Variants in KCNH8 observed in about 807,000 individuals in gnomAD.
KCNH8 encodes the protein voltage-gated delayed rectifier potassium channel KCNH8.
KCNH8 carries 70 observed loss-of-function variants against 103.6 expected under a neutral mutation model. The observed-to-expected ratio is 0.68, with a 90% CI of 0.56 to 0.82. The LOEUF (loss-of-function observed/expected upper bound fraction) is 0.82, where lower values mean the gene tolerates loss of function less well. Among genes scored for constraint, KCNH8 ranks in the 40% least tolerant of loss-of-function variants. The pLI is 0.00. For missense variants in KCNH8, 1,217 were observed against 1,329.9 expected, an observed-to-expected ratio of 0.92 and a Z score of 1.32; for synonymous variants, 498 against 489.4, an observed-to-expected ratio of 1.02 and a Z score of -0.23.
intron 11 of KCNH8, among the ~76,000 whole-genome samples, chr3:19,478,309 A>T (rs1430413899): frequency 6.6e-6 from 1 of 151,978 alleles, no homozygotes; most frequent in Non-Finnish European, 1.5e-5. Context: ...CAGTAGTGGG[A>T]TTGCTGGATT....
In KCNH8 at chr3:19,468,297, A is replaced by G. The variant is rs76769662; in HGVS notation, c.2040+11315A>G. The stretch of plus-strand genomic sequence containing the variant: ...TCAATGAATGAATGAACAAATGTCA[A>G]TAAGTTTACTTTGGTGCCTGGAACT... On this transcript the variant is annotated intron_variant, in intron 11 of 15. Coordinates refer to ENST00000328405, the MANE Select transcript of KCNH8 (RefSeq NM_144633.3). Among the ~76,000 whole-genome samples the G allele has an allele frequency of 4.0e-3, 611 of 152,356 alleles. 4 individuals are homozygous for G. Among genetic ancestry groups the G allele is most frequent in the African/African-American group, 0.012 (509 of 41,574 alleles).
At chr3:19,245,443 T>C (rs1406287789) in intron 1 of KCNH8, among the ~76,000 whole-genome samples, 1 of 152,224 alleles carries the variant, frequency 6.6e-6, no homozygotes, top group Non-Finnish European at 1.5e-5. Context: ...CTATTTGAGC[T>C]ATATTTTGTT....
intron 7 of KCNH8, among the ~76,000 whole-genome samples, chr3:19,399,552 G>A (rs2066577731): frequency 6.6e-6 from 1 of 151,930 alleles, no homozygotes; most frequent in African/African-American, 2.4e-5. Context: ...TGACCTCAAT[G>A]TGTGGTTTTT....
intron 5 of KCNH8, among the ~76,000 whole-genome samples, chr3:19,373,623 A>ATCTTAGTTATTT (rs1352356040): frequency 6.6e-6 from 1 of 151,216 alleles, no homozygotes; most frequent in Non-Finnish European, 1.5e-5. Flanking sequence ...TTCTGCTCTG[A>ATCTTAGTTATTT]TCTTAGTTAT....
chr3:19,379,364 G>A (rs977921046), intron 5 of KCNH8, among the ~76,000 whole-genome samples: 2 of 152,148 alleles, frequency 1.3e-5, no homozygotes, highest in African/African-American at 4.8e-5. Flanking sequence ...TAAGAAGGCC[G>A]GGCCCAGTGG....
chr3:19,455,401 T>G (rs1189904895), intron 10 of KCNH8, among the ~76,000 whole-genome samples: 1 of 152,160 alleles, frequency 6.6e-6, no homozygotes, highest in Non-Finnish European at 1.5e-5. Context: ...CCCATCACCT[T>G]ATGTTTTTCA....
At chr3:19,449,013 T>C (rs1193561556) in intron 8 of KCNH8, 3 of 1,268,940 alleles carry the variant, frequency 2.4e-6, no homozygotes, top group Admixed American at 4.6e-5. Context: ...TAATGACTAG[T>C]GAGTGCAAAA....
At chr3:19,289,043 G>A (rs970812865) in intron 3 of KCNH8, among the ~76,000 whole-genome samples, 1 of 152,058 alleles carries the variant, frequency 6.6e-6, no homozygotes, top group African/African-American at 2.4e-5. Context: ...GAGAAGTGTG[G>A]GTTCATATCC....
rs1347516508 is a variant in KCNH8 at position 19,533,523 on chromosome 3, T to C, written c.2748T>C (p.Cys916=). 3.7e-6 allele frequency: 6 copies of C among 1,614,164 alleles called. No individual in the cohort carries two copies. In the Admixed American group the frequency reaches 6.7e-5, roughly 18 times the overall value. The change falls in exon 16 of 16, where the codon TGT becomes TGC. Residue 916 remains cysteine (C), a synonymous_variant. Transcript: ENST00000328405. ...RFCSLHSTSV[C]PSRESLQTRT... ...GCTCTTTGCACAGCACCTCTGTGTG[T>C]CCCTCCAGGGAGAGCTTACAGACCA... is the stretch of plus-strand genomic sequence containing the variant.
intron 5 of KCNH8, among the ~76,000 whole-genome samples, chr3:19,373,885 G>A (rs538188313): frequency 4.3e-4 from 65 of 152,130 alleles, no homozygotes; most frequent in Non-Finnish European, 8.8e-4. Flanking sequence ...TCATTCAGGA[G>A]CAGGTTGTTC....
intron 11 of KCNH8, among the ~76,000 whole-genome samples, chr3:19,459,421 AGG>A (rs1442779534): frequency 6.6e-6 from 1 of 151,904 alleles, no homozygotes; most frequent in Non-Finnish European, 1.5e-5. Flanking sequence ...TTTAAAAATC[AGG>A]TTATTTAATT....
chr3:19,158,510 C>T (rs2063203061), intron 1 of KCNH8, among the ~76,000 whole-genome samples: 2 of 151,674 alleles, frequency 1.3e-5, no homozygotes, highest in Non-Finnish European at 3.0e-5. Flanking sequence ...ATGGACTGAT[C>T]TACAGGAAAT....
intron 7 of KCNH8, among the ~76,000 whole-genome samples, chr3:19,427,132 C>T (rs796758110): frequency 2.0e-5 from 3 of 152,072 alleles, no homozygotes; most frequent in Non-Finnish European, 4.4e-5. Flanking sequence ...ATCTAGATAT[C>T]GACTAGTCAT....
intron 7 of KCNH8, among the ~76,000 whole-genome samples, chr3:19,435,132 G>A (rs1207233274): frequency 3.3e-5 from 5 of 151,852 alleles, no homozygotes; most frequent in African/African-American, 9.7e-5. Flanking sequence ...TATGTATATC[G>A]AAACATCATG....
chr3:19,419,351 C>T (rs1331977533), intron 7 of KCNH8, among the ~76,000 whole-genome samples: 1 of 151,566 alleles, frequency 6.6e-6, no homozygotes, highest in Non-Finnish European at 1.5e-5. Flanking sequence ...AGGCGCCCGC[C>T]ACCACGCCCG....
intron 3 of KCNH8, among the ~76,000 whole-genome samples, chr3:19,331,994 A>G (rs532432603): frequency 1.3e-5 from 2 of 151,406 alleles, no homozygotes; most frequent in East Asian, 3.9e-4. Flanking sequence ...GGTAGGAGAA[A>G]TTTTTTTAAG....
chr3:19,281,316 A>G lies in KCNH8; in HGVS notation c.429A>G (p.Glu143=). The G allele has an allele frequency of 6.2e-7, 1 of 1,601,396 alleles. No individual in the cohort carries two copies. The highest frequency in any genetic ancestry group is 8.5e-7 in the Non-Finnish European group (1 of 1,175,734). Reference sequence around the variant, plus strand: ...ATACAAAAGTGAAGATTACTCCAGAAGATAAAAAAGAAGGTTTGTACCGTT... The same window carrying G: ...ATACAAAAGTGAAGATTACTCCAGAGGATAAAAAAGAAGGTTTGTACCGTT... ...ITDTKVKITP[E]DKKEDKVKGR... is the part of the protein sequence containing the mutation. Residue 143 remains glutamate (E), a synonymous_variant, in exon 3 of 16, where the codon GAA becomes GAG. Transcript: ENST00000328405.
intron 5 of KCNH8, among the ~76,000 whole-genome samples, chr3:19,361,895 T>C (rs757972901): frequency 2.0e-5 from 3 of 152,110 alleles, no homozygotes; most frequent in Non-Finnish European, 4.4e-5. Context: ...AGGTATATAT[T>C]TGTATACATA....
intron 5 of KCNH8, among the ~76,000 whole-genome samples, chr3:19,357,030 C>T (rs964751055): frequency 1.3e-5 from 2 of 151,764 alleles, no homozygotes; most frequent in African/African-American, 4.8e-5. Context: ...TTTTTGTAGG[C>T]AGCAGTATGC....
Sources: gnomAD v4.1 joint callset for allele counts (sites outside exome capture counted in the v4.1 genomes callset) on GRCh38, gnomAD v4.1.1 for gene constraint, MANE v1.5 for transcripts, NCBI Gene and HGNC (gene_info 2026-07-23, HGNC 2026-07-21) for gene names.